The following ZNF540 variants were observed in gnomAD, a reference collection of about 807,000 sequenced individuals.
The protein encoded by ZNF540 is CTD-3064H18.6.
In ZNF540, 3 loss-of-function variants were observed where a neutral mutation model predicts 11.8. That is an observed-to-expected ratio of 0.25 (90% CI 0.12 to 0.65). ZNF540 has a LOEUF of 0.65. ZNF540 is among the 30% of genes least tolerant of loss of function. The pLI is 0.83. For synonymous variants in ZNF540, 247 were observed against 259.0 expected (o/e 0.95, Z 0.45); for missense variants, 709 against 793.1 (o/e 0.89, Z 1.27).
At position 37,612,785 on chromosome 19, in the gene ZNF540, A is replaced by C. The variant is rs1191454791; in HGVS notation, c.1505A>C (p.Lys502Thr). The change falls in exon 5 of 5, where the codon AAG becomes ACG. Residue 502 changes from lysine to threonine, a missense_variant. Coordinates refer to ENST00000316433, the MANE Select transcript of ZNF540 (RefSeq NM_001172225.3). ...CCCTACAAATGTGTACGATGTGGGA[A>C]GACCTTTAGATTTGGTTTCTACCTT... ...VKPYKCVRCG[K>T]TFRFGFYLTE... is the part of the protein sequence containing the mutation. 6.2e-7 allele frequency: 1 copy of C among 1,613,984 alleles called. No homozygotes were observed. Among genetic ancestry groups the C allele is most frequent in the African/African-American group, 1.3e-5 (1 of 74,942 alleles).
intron 1 of ZNF540, among the ~76,000 whole-genome samples, chr19:37,579,646 C>T (rs1034657771): frequency 3.3e-5 from 5 of 152,164 alleles, no homozygotes; most frequent in East Asian, 1.9e-4. Flanking sequence ...TTTCTCATTA[C>T]ATTTTGCAGG....
chr19:37,592,751 A>T (rs548775852), upstream of ZNF540, among the ~76,000 whole-genome samples: 9 of 152,344 alleles, frequency 5.9e-5, no homozygotes, highest in South Asian at 1.9e-3. Context: ...TCTAGATCTA[A>T]CTGCCTGTTT....
intron 1 of ZNF540, chr19:37,560,503 C>G (rs868072607): frequency 1.3e-5 from 2 of 151,518 alleles, no homozygotes; most frequent in Non-Finnish European, 2.9e-5. Flanking sequence ...TCCCGAGTAG[C>G]TGAGATTACA....
chr19:37,573,689 G>A (rs903914671), intron 1 of ZNF540, among the ~76,000 whole-genome samples: 22 of 145,998 alleles, frequency 1.5e-4, no homozygotes, highest in Admixed American at 3.4e-4. Flanking sequence ...AAAAAAATCC[G>A]CCATGCATGG....
At chr19:37,584,134 G>A (rs748259461) in intron 1 of ZNF540, 2 of 1,612,506 alleles carry the variant, frequency 1.2e-6, no homozygotes, top group Admixed American at 3.3e-5. Context: ...GATTCTACAG[G>A]AATGATTCTG....
chr19:37,558,359 A>T (rs1448538282), intron 1 of ZNF540, among the ~76,000 whole-genome samples: 1 of 152,100 alleles, frequency 6.6e-6, no homozygotes, highest in African/African-American at 2.4e-5. Flanking sequence ...GGGCTGCCTG[A>T]GCCACAAATG....
At chr19:37,587,958 G>A (rs1265676554) in intron 1 of ZNF540, among the ~76,000 whole-genome samples, 4 of 151,804 alleles carry the variant, frequency 2.6e-5, no homozygotes, top group African/African-American at 9.7e-5. Context: ...AAATTAGCCA[G>A]GCATGGTGGC....
chr19:37,575,057 C>T (rs1365898261), intron 1 of ZNF540, among the ~76,000 whole-genome samples: 1 of 152,178 alleles, frequency 6.6e-6, no homozygotes, highest in Non-Finnish European at 1.5e-5. Flanking sequence ...ATGAACAAAC[C>T]TAACAATACA....
intron 1 of ZNF540, among the ~76,000 whole-genome samples, chr19:37,561,048 C>CAAAAAAAAAAAAAAAAAAAAAAAA (rs199892724): frequency 4.1e-5 from 3 of 73,784 alleles, no homozygotes; most frequent in Admixed American, 1.5e-4. Context: ...CCTGTCTCTA[C>CAAAAAAAAAAAAAAAAAAAAAAAA]AAAAAAAAAA....
At chr19:37,573,197 T>G (rs1476326333) in intron 1 of ZNF540, among the ~76,000 whole-genome samples, 2 of 152,184 alleles carry the variant, frequency 1.3e-5, no homozygotes, top group Admixed American at 1.3e-4. Flanking sequence ...CATTTTTACT[T>G]AATGGATGAT....
chr19:37,608,685 G>A (rs1414646011), intron 4 of ZNF540, among the ~76,000 whole-genome samples: 1 of 152,122 alleles, frequency 6.6e-6, no homozygotes, highest in Non-Finnish European at 1.5e-5. Flanking sequence ...CCAGAATTAG[G>A]TCTCAGTCTT....
chr19:37,601,227 T>G (rs1359298409), intron 4 of ZNF540, 122 bp downstream of exon 4: 1 of 730,078 alleles, frequency 1.4e-6, no homozygotes, highest in South Asian at 2.1e-5. Context: ...CTCAGGCCTT[T>G]GGAGTAAAGG....
At position 37,612,103 on chromosome 19, in the gene ZNF540, A is replaced by C; in HGVS notation, c.823A>C (p.Lys275Gln). 6.2e-7 allele frequency: 1 copy of C among 1,611,722 alleles called. No homozygotes were observed. Among genetic ancestry groups the C allele is most frequent in the Non-Finnish European group, 8.5e-7 (1 of 1,179,644 alleles). The change falls in exon 5 of 5, where the codon AAA becomes CAA. Residue 275 changes from lysine to glutamine, a missense_variant. Physicochemically the swap from Lys to Gln is moderately conservative, Grantham distance 53 (BLOSUM62 1). Transcript: ENST00000316433. ...HTGKKPYMCKKCDKGFFSRLE... is the reference protein window; with the variant it reads ...HTGKKPYMCKQCDKGFFSRLE... The stretch of plus-strand genomic sequence containing the variant: ...TGGTAAAAAACCCTATATGTGTAAG[A>C]AATGTGATAAGGGTTTTTTTAGTAG...
chr19:37,564,927 G>T (rs376384743), intron 1 of ZNF540: 2 of 1,613,832 alleles, frequency 1.2e-6, no homozygotes, highest in Non-Finnish European at 1.7e-6. Context: ...CATTTGTAGG[G>T]CTTTTCACCT....
chr19:37,567,894 C>T (rs2042916740), intron 1 of ZNF540: 2 of 152,082 alleles, frequency 1.3e-5, no homozygotes. Flanking sequence ...TATAGCTAGT[C>T]CCCAGAACAC....
chr19:37,565,249 G>C (rs377589676), intron 1 of ZNF540: 1 of 1,611,752 alleles, frequency 6.2e-7, no homozygotes, highest in Non-Finnish European at 8.5e-7. Context: ...CACATTCTTT[G>C]CATTTATAAG....
chr19:37,591,190 T>C (rs1390868554), upstream of ZNF540, among the ~76,000 whole-genome samples: 2 of 152,212 alleles, frequency 1.3e-5, no homozygotes, highest in Admixed American at 6.5e-5. Context: ...CACTGTACAC[T>C]GTATACCACA....
At chr19:37,564,938 G>A (rs1314291133) in intron 1 of ZNF540, 1 of 1,613,792 alleles carries the variant, frequency 6.2e-7, no homozygotes, top group African/African-American at 1.3e-5. Flanking sequence ...CTTTTCACCT[G>A]TATGAATTCT....
chr19:37,585,896 C>T (rs147941255), intron 1 of ZNF540: 1 of 152,136 alleles, frequency 6.6e-6, no homozygotes, highest in Non-Finnish European at 1.5e-5. Flanking sequence ...ATGATGAAAG[C>T]ACAAGTCAAA....
Sources: allele counts gnomAD v4.1 joint callset (sites outside exome capture counted in the v4.1 genomes callset), GRCh38; gene constraint gnomAD v4.1.1; transcripts MANE v1.5; gene names NCBI Gene and HGNC (gene_info 2026-07-23, HGNC 2026-07-21).